The following UIMC1 variants were observed in gnomAD, a reference collection of about 807,000 sequenced individuals.
UIMC1 encodes the protein ubiquitin interaction motif containing 1, also known as BRCA1-A complex subunit RAP80.
UIMC1 carries 42 observed loss-of-function variants against 84.9 expected under a neutral mutation model. The ratio of observed to expected loss-of-function variants is 0.49; its 90% CI spans 0.39 to 0.64. The LOEUF (loss-of-function observed/expected upper bound fraction) is 0.64, where lower values mean the gene tolerates loss of function less well. Ranked by LOEUF, UIMC1 falls within the 30% of genes least tolerant of loss-of-function variation. UIMC1 has a pLI of 0.00. For missense variants in UIMC1, 825 were observed against 847.6 expected (o/e 0.97, Z 0.33); for synonymous variants, 281 against 293.0 (o/e 0.96, Z 0.42).
intron 9 of UIMC1, among the ~76,000 whole-genome samples, chr5:176,945,802 T>C (rs1765032926): frequency 6.6e-6 from 1 of 152,236 alleles, no homozygotes; most frequent in Non-Finnish European, 1.5e-5. Flanking sequence ...ACGTCCTGTT[T>C]CCATGGATTG....
At chr5:176,987,852 G>A (rs1375264212) in intron 1 of UIMC1, among the ~76,000 whole-genome samples, 1 of 150,704 alleles carries the variant, frequency 6.6e-6, no homozygotes, top group Non-Finnish European at 1.5e-5. Context: ...AAACGTAAAA[G>A]TAGCCCAGCA....
chr5:176,993,208 G>A (rs959940386), intron 1 of UIMC1, among the ~76,000 whole-genome samples: 2 of 151,018 alleles, frequency 1.3e-5, no homozygotes, highest in Admixed American at 6.6e-5. Flanking sequence ...TTCTTGGCCG[G>A]GTGCAGTGGC....
chr5:176,931,017 C>T (rs1222415546), intron 10 of UIMC1, among the ~76,000 whole-genome samples: 1 of 152,224 alleles, frequency 6.6e-6, no homozygotes, highest in Admixed American at 6.5e-5. Flanking sequence ...TGTCCCAGCT[C>T]TACACATGGA....
At position 177,006,762 on chromosome 5, in the gene UIMC1, C is replaced by G. The variant is rs1297803307; in HGVS notation, c.-121G>C. 1 of 152,234 alleles carries G rather than the reference C, an allele frequency of 6.6e-6. No homozygotes were observed. Among genetic ancestry groups the G allele is most frequent in the Admixed American group, 6.5e-5 (1 of 15,284 alleles). 9.4% of individuals were successfully genotyped at this position (152,234 alleles called of 1,614,324 possible). A position where few individuals can be genotyped will look rare whatever the true frequency, so the allele number is the denominator to read the frequency against. On this transcript the variant is annotated 5_prime_UTR_variant, in exon 1 of 15. Coordinates refer to ENST00000511320, the MANE Select transcript of UIMC1 (RefSeq NM_001199298.2). ...GGGCGCGCGCGTCCGATGCCAGAGA[C>G]ACGCTCTCGGGGCGGGCGCAGGCGC...
rs1216372829 is a variant in UIMC1, at chr5:176,938,643, C to T, written c.1597+4692G>A. 2.0e-5 allele frequency among the ~76,000 whole-genome samples: 3 copies of T among 152,254 alleles called. No individual in the cohort carries two copies. In the East Asian group the frequency reaches 5.8e-4, roughly 29 times the overall value. On this transcript the variant is annotated intron_variant, in intron 10 of 14. Transcript: ENST00000511320. ...AAGCTATTGTTTAGTGGCCATTTCC[C>T]TTGCTTCTTATCTTATCTAAACCCA...
chr5:176,931,342 T>C (rs1199220750), intron 10 of UIMC1, among the ~76,000 whole-genome samples: 1 of 152,234 alleles, frequency 6.6e-6, no homozygotes, highest in East Asian at 1.9e-4. Flanking sequence ...GCTGTTAATA[T>C]TCCTTTAACA....
intron 3 of UIMC1, among the ~76,000 whole-genome samples, chr5:176,971,346 A>C (rs1372068227): frequency 6.6e-6 from 1 of 152,180 alleles, no homozygotes; most frequent in Non-Finnish European, 1.5e-5. Flanking sequence ...TCCAGACACC[A>C]TTTTTCATTT....
chr5:176,969,329 C>T (rs751837763), intron 5 of UIMC1, 38 bp from the exon 6 acceptor site: 5 of 1,555,950 alleles, frequency 3.2e-6, no homozygotes, highest in African/African-American at 2.8e-5. Flanking sequence ...TAAGGACAAA[C>T]TTTTTTATTA....
chr5:176,968,020 T>G (rs892749952), intron 6 of UIMC1, among the ~76,000 whole-genome samples: 2 of 151,976 alleles, frequency 1.3e-5, no homozygotes, highest in African/African-American at 2.4e-5. Flanking sequence ...GGAACAAAAC[T>G]TAACACAGAA....
At chr5:176,958,475 C>A (rs1286685778) in intron 6 of UIMC1, among the ~76,000 whole-genome samples, 1 of 152,200 alleles carries the variant, frequency 6.6e-6, no homozygotes, top group Admixed American at 6.5e-5. Flanking sequence ...GTACACAATG[C>A]ACTTCATAAC....
intron 10 of UIMC1, among the ~76,000 whole-genome samples, chr5:176,927,442 T>TG (rs1221692795): frequency 6.6e-6 from 1 of 151,976 alleles, no homozygotes; most frequent in Non-Finnish European, 1.5e-5. Context: ...TTAGTAGAGA[T>TG]GGTGTTTCAC....
chr5:176,923,163 G>A (rs1302338105), intron 10 of UIMC1, among the ~76,000 whole-genome samples: 1 of 152,204 alleles, frequency 6.6e-6, no homozygotes. Context: ...TGAGTTAGAA[G>A]CTATGTCTAT....
At chr5:176,964,207 C>G (rs933309865) in intron 6 of UIMC1, among the ~76,000 whole-genome samples, 2 of 152,162 alleles carry the variant, frequency 1.3e-5, no homozygotes. Flanking sequence ...TTCTTTCTAC[C>G]CACATTTCCT....
chr5:176,907,797 G>A lies in UIMC1; in HGVS notation c.1849-620C>T, dbSNP rs558004688. ...GGATTATAAATTGGATATCCTTTCC[G>A]GAAAGCAATTTGGCAGGTTTCGAGA... On this transcript the variant is annotated intron_variant, in intron 12 of 14. Transcript: ENST00000511320. Among the ~76,000 whole-genome samples, 21 of 152,220 alleles carry A rather than the reference G, an allele frequency of 1.4e-4. No homozygotes were observed. The East Asian group carries it at 2.9e-3, about 21-fold the overall frequency.
intron 1 of UIMC1, among the ~76,000 whole-genome samples, chr5:176,983,387 G>A (rs1021577236): frequency 1.6e-4 from 24 of 151,312 alleles, no homozygotes; most frequent in Admixed American, 9.9e-4. Context: ...GGCACGCACC[G>A]CCACTCCTGA....
intron 6 of UIMC1, among the ~76,000 whole-genome samples, chr5:176,967,218 A>G (rs946730484): frequency 1.3e-5 from 2 of 152,176 alleles, no homozygotes; most frequent in African/African-American, 4.8e-5. Context: ...ATGTGGATGA[A>G]ATGTCTTCTG....
chr5:177,017,178 C>A (rs1177621914), intron 1 of UIMC1, among the ~76,000 whole-genome samples: 22 of 152,216 alleles, frequency 1.4e-4, no homozygotes. Flanking sequence ...TGTTCTGGAC[C>A]AATCTCAGAT....
At chr5:176,966,261 T>C (rs948361845) in intron 6 of UIMC1, among the ~76,000 whole-genome samples, 4 of 152,246 alleles carry the variant, frequency 2.6e-5, no homozygotes, top group African/African-American at 7.2e-5. Flanking sequence ...TTTACACAAA[T>C]TCACTTTAAT....
At chr5:176,994,171 A>C (rs974704815) in intron 1 of UIMC1, among the ~76,000 whole-genome samples, 2 of 152,034 alleles carry the variant, frequency 1.3e-5, no homozygotes, top group Non-Finnish European at 2.9e-5. Context: ...CAAAAATTAC[A>C]CTCCAGCCTG....
Sources: allele counts gnomAD v4.1 joint callset (sites outside exome capture counted in the v4.1 genomes callset), GRCh38; gene constraint gnomAD v4.1.1; transcripts MANE v1.5; gene names NCBI Gene and HGNC (gene_info 2026-07-23, HGNC 2026-07-21).